The following ADARB2 variants were observed in gnomAD, a reference collection of about 807,000 sequenced individuals.
The protein encoded by ADARB2 is inactive double-stranded RNA-specific editase B2.
In ADARB2, 25 loss-of-function variants were observed where a neutral mutation model predicts 62.2. That is an observed-to-expected ratio of 0.40 (90% CI 0.29 to 0.56). The LOEUF (loss-of-function observed/expected upper bound fraction) is 0.56. Among genes scored for constraint, ADARB2 ranks in the 20% least tolerant of loss-of-function variants. ADARB2 has a pLI of 0.43. For synonymous variants in ADARB2, 572 were observed against 500.8 expected (o/e 1.14, Z -1.90); for missense variants, 1,071 against 1,077.4 (o/e 0.99, Z 0.08).
rs149057857 is a variant in ADARB2, at chr10:1,531,302, C to T, written c.101-152142G>A. On this transcript the variant is annotated intron_variant, in intron 1 of 9. Coordinates refer to ENST00000381312, the MANE Select transcript of ADARB2 (RefSeq NM_018702.4). ...ATCCCATCAGGACAAAGCGAGTGTG[C>T]AGGCTGCTGCATGCCAAGGGCTCCT... Among the ~76,000 whole-genome samples, 180 of 152,340 alleles carry T rather than the reference C, an allele frequency of 1.2e-3. 1 individual carries two copies. Among genetic ancestry groups the T allele is most frequent in the Middle Eastern group, 3.4e-3 (1 of 294 alleles).
chr10:1,332,481 G>GT (rs57168465), intron 3 of ADARB2, among the ~76,000 whole-genome samples: 6,926 of 131,380 alleles, frequency 0.053, 351 homozygotes, highest in African/African-American at 0.13. Flanking sequence ...CATCAGTTTT[G>GT]TTTTTTTTTT....
chr10:1,649,077 GGCT>G (rs1258579436), intron 1 of ADARB2, among the ~76,000 whole-genome samples: 1 of 152,230 alleles, frequency 6.6e-6, no homozygotes, highest in African/African-American at 2.4e-5. Flanking sequence ...AGCTCAGAGA[GGCT>G]GTGTGGGGTA....
intron 1 of ADARB2, among the ~76,000 whole-genome samples, chr10:1,458,400 T>A (rs2813424): frequency 2.0e-5 from 3 of 151,944 alleles, no homozygotes; most frequent in Admixed American, 2.0e-4. Flanking sequence ...ATGAAACAAT[T>A]GAGGCTTTTC....
intron 8 of ADARB2, among the ~76,000 whole-genome samples, chr10:1,193,705 A>T (rs1403748423): frequency 6.6e-6 from 1 of 152,196 alleles, no homozygotes; most frequent in Non-Finnish European, 1.5e-5. Context: ...TTTTTGAAGG[A>T]TGCTTTTTCT....
chr10:1,612,299 G>C (rs1159988815), intron 1 of ADARB2, among the ~76,000 whole-genome samples: 7 of 152,236 alleles, frequency 4.6e-5, no homozygotes, highest in African/African-American at 9.6e-5. Flanking sequence ...AATAGAACAC[G>C]GGAAGCCAGG....
intron 1 of ADARB2, among the ~76,000 whole-genome samples, chr10:1,419,294 C>T (rs1190557775): frequency 6.6e-6 from 1 of 152,112 alleles, no homozygotes; most frequent in Non-Finnish European, 1.5e-5. Context: ...TGGGGTTTCA[C>T]CATGTTGATC....
At chr10:1,186,434 C>T in intron 8 of ADARB2, 1 of 514,684 alleles carries the variant, frequency 1.9e-6, no homozygotes, top group Non-Finnish European at 3.9e-6. Context: ...TGGTTTATAA[C>T]CCAAGATCCC....
chr10:1,302,545 G>C (rs111816982), intron 3 of ADARB2, among the ~76,000 whole-genome samples: 7,804 of 152,046 alleles, frequency 0.051, 213 homozygotes, highest in African/African-American at 0.081. Context: ...GGAGGCCTGC[G>C]TGCCTCTGTA....
chr10:1,225,055 G>A (rs373233479), intron 6 of ADARB2, among the ~76,000 whole-genome samples: 1 of 151,470 alleles, frequency 6.6e-6, no homozygotes, highest in Non-Finnish European at 1.5e-5. Context: ...GAGTCTAAGT[G>A]TCTTTGTAGG....
chr10:1,254,364 GCCTTGCTCACCA>G (rs1384624882), intron 4 of ADARB2, among the ~76,000 whole-genome samples: 2 of 152,250 alleles, frequency 1.3e-5, no homozygotes, highest in Non-Finnish European at 2.9e-5. Flanking sequence ...ATGGGTAGAA[GCCTTGCTCACCA>G]TGTTGTCTTC....
intron 3 of ADARB2, among the ~76,000 whole-genome samples, chr10:1,279,450 G>C (rs1196525489): frequency 6.6e-6 from 1 of 152,154 alleles, no homozygotes; most frequent in Non-Finnish European, 1.5e-5. Context: ...CAAGTAGTTG[G>C]GACCGCAGAC....
intron 1 of ADARB2, among the ~76,000 whole-genome samples, chr10:1,607,337 G>A (rs1833506232): frequency 6.6e-6 from 1 of 152,148 alleles, no homozygotes; most frequent in Admixed American, 6.5e-5. Context: ...AGTAATGCTA[G>A]GCCATTTAGG....
At chr10:1,735,572 A>T (rs1453008405) in intron 1 of ADARB2, among the ~76,000 whole-genome samples, 1 of 152,216 alleles carries the variant, frequency 6.6e-6, no homozygotes, top group East Asian at 1.9e-4. Context: ...TCATTATTCA[A>T]TCCGGTGACT....
chr10:1,449,744 C>T (rs1440140823), intron 1 of ADARB2, among the ~76,000 whole-genome samples: 1 of 152,212 alleles, frequency 6.6e-6, no homozygotes, highest in African/African-American at 2.4e-5. Flanking sequence ...TGCTTCCCTC[C>T]AGATTGAAAT....
At chr10:1,421,676 C>T (rs1236535893) in intron 1 of ADARB2, among the ~76,000 whole-genome samples, 1 of 152,114 alleles carries the variant, frequency 6.6e-6, no homozygotes, top group Non-Finnish European at 1.5e-5. Flanking sequence ...TTGTGGAAGT[C>T]AGGAGAGTCC....
chr10:1,218,029 T>C (rs923422657), intron 6 of ADARB2, among the ~76,000 whole-genome samples: 1 of 152,096 alleles, frequency 6.6e-6, no homozygotes, highest in African/African-American at 2.4e-5. Context: ...TGTTTCTCTT[T>C]CTTTGAAAAA....
At chr10:1,415,648 C>T (rs55660740) in intron 1 of ADARB2, among the ~76,000 whole-genome samples, 3 of 152,084 alleles carry the variant, frequency 2.0e-5, no homozygotes, top group Non-Finnish European at 2.9e-5. Context: ...CAAGTCAATT[C>T]TATGCAAATA....
chr10:1,351,176 T>G (rs139516889), intron 3 of ADARB2, among the ~76,000 whole-genome samples: 2,378 of 152,276 alleles, frequency 0.016, 60 homozygotes, highest in African/African-American at 0.053. Flanking sequence ...GGCCCAAGGC[T>G]CTCTGACTCC....
At chr10:1,523,943 G>GCATC (rs565194166) in intron 1 of ADARB2, among the ~76,000 whole-genome samples, 12 of 152,104 alleles carry the variant, frequency 7.9e-5, no homozygotes, top group South Asian at 2.1e-4. Flanking sequence ...ATCCACCCAT[G>GCATC]CATCCATCCA....
Sources: gnomAD v4.1 joint callset for allele counts (sites outside exome capture counted in the v4.1 genomes callset) on GRCh38, gnomAD v4.1.1 for gene constraint, MANE v1.5 for transcripts, NCBI Gene and HGNC (gene_info 2026-07-23, HGNC 2026-07-21) for gene names.